SLC7A2: variants seen among roughly 807,000 people sequenced by gnomAD.
SLC7A2 encodes cationic amino acid transporter 2.
SLC7A2 carries 48 observed loss-of-function variants against 58.9 expected under a neutral mutation model. That is an observed-to-expected ratio of 0.82 (90% CI 0.65 to 1.04). The LOEUF is 1.04. Among genes scored for constraint, SLC7A2 ranks in the 50% least tolerant of loss-of-function variants. The pLI is 0.00. For missense variants in SLC7A2, 1,029 were observed against 818.8 expected, an observed-to-expected ratio of 1.26 and a Z score of -3.13; for synonymous variants, 363 against 314.5, an observed-to-expected ratio of 1.15 and a Z score of -1.63.
At chr8:17,521,977 T>C (rs1430415265) in intron 2 of SLC7A2, among the ~76,000 whole-genome samples, 3 of 152,210 alleles carry the variant, frequency 2.0e-5, no homozygotes, top group Non-Finnish European at 4.4e-5. Flanking sequence ...ACTGAGACTG[T>C]GTCCTTAATG....
chr8:17,530,933 A>T (rs1476937427), intron 2 of SLC7A2, among the ~76,000 whole-genome samples: 1 of 152,196 alleles, frequency 6.6e-6, no homozygotes. Context: ...TTTAAATTTA[A>T]TAAGCATTAA....
At chr8:17,532,362 G>C (rs1801497112) in intron 2 of SLC7A2, among the ~76,000 whole-genome samples, 1 of 151,016 alleles carries the variant, frequency 6.6e-6, no homozygotes, top group South Asian at 2.1e-4. Flanking sequence ...CCCAGTGTGA[G>C]CATGGAGTCC....
intron 2 of SLC7A2, among the ~76,000 whole-genome samples, chr8:17,516,477 G>T (rs1414261965): frequency 6.6e-6 from 1 of 152,176 alleles, no homozygotes; most frequent in Non-Finnish European, 1.5e-5. Context: ...ACCCACCTTG[G>T]CCACCCAAAG....
At chr8:17,501,619 A>G (rs566613363) in intron 1 of SLC7A2, among the ~76,000 whole-genome samples, 1 of 152,270 alleles carries the variant, frequency 6.6e-6, no homozygotes, top group Non-Finnish European at 1.5e-5. Flanking sequence ...GGGACTTTAT[A>G]CACCCAAGAC....
At chr8:17,557,258 C>T (rs148134946) in intron 8 of SLC7A2, among the ~76,000 whole-genome samples, 27 of 152,264 alleles carry the variant, frequency 1.8e-4, no homozygotes, top group African/African-American at 6.3e-4. Context: ...CTTACTATGA[C>T]ACAGAAAACT....
In SLC7A2 at chr8:17,566,650, T is replaced by C. The variant is rs758962887; in HGVS notation, c.*1504T>C. On this transcript the variant is annotated 3_prime_UTR_variant, in exon 13 of 13. Coordinates refer to ENST00000494857, the MANE Select transcript of SLC7A2 (RefSeq NM_001370338.1). ...TTGAATTAAAGCTATATAAACACAG[T>C]TAACCCTTGTAAATGAGTAAACAAA... is the stretch of plus-strand genomic sequence containing the variant. The C allele has an allele frequency of 2.7e-5, 4 of 147,874 alleles. No homozygotes were observed. The highest frequency in any genetic ancestry group is 4.4e-5 in the Non-Finnish European group (3 of 67,914). 9.2% of individuals were successfully genotyped at this position (147,874 alleles called of 1,614,324 possible).
rs1327292229 is a variant in SLC7A2, at chr8:17,543,422, C to T, written c.83C>T (p.Thr28Ile). 1.9e-6 allele frequency: 3 copies of T among 1,614,184 alleles called. No individual in the cohort carries two copies. Among genetic ancestry groups the T allele is most frequent in the Admixed American group, 3.3e-5 (2 of 60,020 alleles). Residue 28 changes from threonine to isoleucine, a missense_variant, in exon 3 of 13, where the codon ACC becomes ATC. Thr to Ile is a moderately conservative substitution (Grantham distance 89, BLOSUM62 -1). Transcript: ENST00000494857. ...KIVTLDSLEDTKLCRCLSTMD... is the reference protein window; with the variant it reads ...KIVTLDSLEDIKLCRCLSTMD... Reference sequence around the variant, plus strand: ...GTGACCCTGGACAGTCTAGAAGACACCAAATTATGCCGCTGCTTATCCACC... The same window carrying T: ...GTGACCCTGGACAGTCTAGAAGACATCAAATTATGCCGCTGCTTATCCACC...
In SLC7A2 at chr8:17,528,989, G is replaced by A. The variant is rs537238633; in HGVS notation, c.-22-14329G>A. The stretch of plus-strand genomic sequence containing the variant: ...CTGAAGGGAAGATGAGAGGGGACCA[G>A]TTTCCTCTAGGGTCCCCACAAAAAG... On this transcript the variant is annotated intron_variant, in intron 2 of 12. Transcript: ENST00000494857. Among the ~76,000 whole-genome samples the A allele has an allele frequency of 1.3e-4, 20 of 152,218 alleles. 1 individual carries two copies. The highest frequency in any genetic ancestry group is 1.2e-3 in the Admixed American group (18 of 15,286).
intron 2 of SLC7A2, among the ~76,000 whole-genome samples, chr8:17,516,671 A>G (rs1257937166): frequency 6.6e-6 from 1 of 152,172 alleles, no homozygotes; most frequent in Non-Finnish European, 1.5e-5. Flanking sequence ...TTGTACCTGA[A>G]CACCTGCAGT....
chr8:17,533,768 T>G (rs2720498), intron 2 of SLC7A2, among the ~76,000 whole-genome samples: 93,931 of 152,112 alleles, frequency 0.62, 29,744 homozygotes, highest in Admixed American at 0.7. Flanking sequence ...AGGCTATTTA[T>G]TTAAAGTTCC....
rs1801941442 is a variant in SLC7A2, at chr8:17,542,206, C to T, written c.-22-1112C>T. Among the ~76,000 whole-genome samples the T allele has an allele frequency of 2.0e-5, 3 of 152,132 alleles. No individual in the cohort carries two copies. In the South Asian group the frequency reaches 6.2e-4, roughly 31 times the overall value. ...TGTTTAAAATGAAAACAGAGAAGCTCACACATGCTTGATAAAGCTGTAGAA... is the reference window on the plus strand; with the variant it reads ...TGTTTAAAATGAAAACAGAGAAGCTTACACATGCTTGATAAAGCTGTAGAA... On this transcript the variant is annotated intron_variant, in intron 2 of 12. Coordinates refer to ENST00000494857, the MANE Select transcript of SLC7A2 (RefSeq NM_001370338.1).
chr8:17,542,488 G>A (rs114662891), intron 2 of SLC7A2, among the ~76,000 whole-genome samples: 1 of 151,892 alleles, frequency 6.6e-6, no homozygotes, highest in Non-Finnish European at 1.5e-5. Flanking sequence ...CTGTCTCTAC[G>A]AAAAATAAAG....
At chr8:17,514,100 A>G (rs562687552) in intron 2 of SLC7A2, among the ~76,000 whole-genome samples, 1 of 152,110 alleles carries the variant, frequency 6.6e-6, no homozygotes, top group Non-Finnish European at 1.5e-5. Context: ...TTGGGAGTAA[A>G]AACACCTCGG....
At chr8:17,524,401 CATAT>C (rs200734596) in intron 2 of SLC7A2, among the ~76,000 whole-genome samples, 1 of 133,772 alleles carries the variant, frequency 7.5e-6, no homozygotes, top group Non-Finnish European at 1.6e-5. Context: ...GTGAGATATA[CATAT>C]ATGTGTGTGT....
intron 1 of SLC7A2, among the ~76,000 whole-genome samples, chr8:17,497,441 G>T (rs1296733056): frequency 6.6e-6 from 1 of 152,160 alleles, no homozygotes; most frequent in Non-Finnish European, 1.5e-5. Context: ...AGTCGGGGCC[G>T]TGGGCTGGGG....
At chr8:17,552,398 G>A (rs1416565478) in intron 7 of SLC7A2, among the ~76,000 whole-genome samples, 2 of 152,200 alleles carry the variant, frequency 1.3e-5, no homozygotes, top group South Asian at 2.1e-4. Flanking sequence ...TACAGACCTT[G>A]CATTTGCCAC....
At chr8:17,539,079 C>G (rs971863646) in intron 2 of SLC7A2, among the ~76,000 whole-genome samples, 1 of 152,136 alleles carries the variant, frequency 6.6e-6, no homozygotes, top group Non-Finnish European at 1.5e-5. Flanking sequence ...CAACTTGTGA[C>G]TATGATTAGC....
At chr8:17,562,615 G>C (rs1803073587) in intron 11 of SLC7A2, among the ~76,000 whole-genome samples, 1 of 152,164 alleles carries the variant, frequency 6.6e-6, no homozygotes, top group Non-Finnish European at 1.5e-5. Flanking sequence ...TGGTTAGCCA[G>C]TGAATGAGAG....
intron 2 of SLC7A2, among the ~76,000 whole-genome samples, chr8:17,507,042 T>G (rs1183903274): frequency 6.6e-6 from 1 of 151,936 alleles, no homozygotes; most frequent in Admixed American, 6.6e-5. Context: ...CCTCCCAGGT[T>G]CAAGCGATTC....
Sources: gnomAD v4.1 joint callset for allele counts (sites outside exome capture counted in the v4.1 genomes callset) on GRCh38, gnomAD v4.1.1 for gene constraint, MANE v1.5 for transcripts, NCBI Gene and HGNC (gene_info 2026-07-23, HGNC 2026-07-21) for gene names.